TMEM217B: variants seen among roughly 807,000 people sequenced by gnomAD.
The protein encoded by TMEM217B is putative transmembrane protein 217B.
At chr6:37,219,540 A>C in the TMEM217B span, among the ~76,000 whole-genome samples, 1 of 152,172 alleles carries the variant, frequency 6.6e-6, no homozygotes, top group Non-Finnish European at 1.5e-5. Flanking sequence ...CAGCAGTTCA[A>C]GACCAGCCTG....
the TMEM217B span, among the ~76,000 whole-genome samples, chr6:37,229,788 T>C: frequency 6.6e-6 from 1 of 152,218 alleles, no homozygotes. Flanking sequence ...TTTCTATTGC[T>C]GCCATAACAA....
chr6:37,249,821 C>G, the TMEM217B span, among the ~76,000 whole-genome samples: 1 of 152,166 alleles, frequency 6.6e-6, no homozygotes, highest in Non-Finnish European at 1.5e-5. Flanking sequence ...GTAGTATGAC[C>G]ACTTTGAAAA....
the TMEM217B span, among the ~76,000 whole-genome samples, chr6:37,241,480 C>T: frequency 0.068 from 10,312 of 152,142 alleles, 1,140 homozygotes; most frequent in African/African-American, 0.23. Flanking sequence ...CTCCTCCAAC[C>T]TCAGTAAGGA....
At chr6:37,218,978 G>T in the TMEM217B span, 1 of 1,614,194 alleles carries the variant, frequency 6.2e-7, no homozygotes, top group Non-Finnish European at 8.5e-7. Context: ...GAAGACCCCT[G>T]ACAACACGGT....
chr6:37,212,619 C>T, the TMEM217B span: 11 of 503,144 alleles, frequency 2.2e-5, no homozygotes, highest in South Asian at 4.6e-5. Flanking sequence ...AATAACTCAG[C>T]GTCTTGAAGT....
At chr6:37,245,141 A>G in the TMEM217B span, among the ~76,000 whole-genome samples, 1 of 152,368 alleles carries the variant, frequency 6.6e-6, no homozygotes. Context: ...AAGTCCAACA[A>G]GATGAGATCC....
chr6:37,245,730 C>T, the TMEM217B span, among the ~76,000 whole-genome samples: 1 of 151,112 alleles, frequency 6.6e-6, no homozygotes, highest in South Asian at 2.1e-4. Flanking sequence ...AGGAGGAGGA[C>T]GAGGAGGAGG....
the TMEM217B span, among the ~76,000 whole-genome samples, chr6:37,220,532 A>G: frequency 2.7e-5 from 4 of 149,984 alleles, no homozygotes; most frequent in East Asian, 7.8e-4. Flanking sequence ...GAGACATTGT[A>G]ATCATAGCTG....
chr6:37,217,660 A>G, the TMEM217B span: 2 of 985,212 alleles, frequency 2.0e-6, no homozygotes, highest in African/African-American at 1.7e-5. Flanking sequence ...CTCTATTTTT[A>G]TTCTTTTTCT....
the TMEM217B span, among the ~76,000 whole-genome samples, chr6:37,229,335 G>GCTT: frequency 1.3e-5 from 1 of 74,368 alleles, no homozygotes; most frequent in African/African-American, 5.3e-5. Context: ...GCAACTTTCA[G>GCTT]TTTTTTTTTT....
At chr6:37,247,587 C>T in the TMEM217B span, among the ~76,000 whole-genome samples, 1 of 152,008 alleles carries the variant, frequency 6.6e-6, no homozygotes, top group Non-Finnish European at 1.5e-5. Context: ...GGGGTTTCAC[C>T]ATGTTGGCCA....
chr6:37,212,497 C>T, the TMEM217B span: 3 of 456,464 alleles, frequency 6.6e-6, no homozygotes, highest in African/African-American at 2.0e-5. Flanking sequence ...CCTGTGGCGG[C>T]GTTTCCTGCC....
the TMEM217B span, among the ~76,000 whole-genome samples, chr6:37,242,084 A>C: frequency 1.2e-4 from 18 of 151,128 alleles, no homozygotes; most frequent in South Asian, 3.3e-3. Context: ...AGTTCACCCA[A>C]TCTTGGAATC....
At chr6:37,217,521 A>T in the TMEM217B span, 1 of 536,960 alleles carries the variant, frequency 1.9e-6, no homozygotes, top group Non-Finnish European at 2.4e-6. Flanking sequence ...CACACTACAG[A>T]GTACAGCACA....
the TMEM217B span, among the ~76,000 whole-genome samples, chr6:37,235,682 G>T: frequency 2.8e-4 from 43 of 152,118 alleles, no homozygotes; most frequent in Admixed American, 5.2e-4. Flanking sequence ...ATTTCTTATG[G>T]TTCTGGAGGC....
At chr6:37,214,552 C>T in the TMEM217B span, among the ~76,000 whole-genome samples, 1 of 152,016 alleles carries the variant, frequency 6.6e-6, no homozygotes, top group Non-Finnish European at 1.5e-5. Flanking sequence ...TCATCATCCC[C>T]ACCAAAATCT....
At chr6:37,235,392 G>C in the TMEM217B span, among the ~76,000 whole-genome samples, 155 of 152,070 alleles carry the variant, frequency 1.0e-3, no homozygotes, top group African/African-American at 3.6e-3. Context: ...TTGAGACAGA[G>C]TCTTGCTCTG....
At chr6:37,252,521 T>C in the TMEM217B span, among the ~76,000 whole-genome samples, 1 of 150,926 alleles carries the variant, frequency 6.6e-6, no homozygotes, top group African/African-American at 2.4e-5. Flanking sequence ...CACACACACA[T>C]GCATATATAT....
the TMEM217B span, chr6:37,257,730 C>T: frequency 1.6e-4 from 99 of 606,804 alleles, no homozygotes; most frequent in Non-Finnish European, 2.4e-4. Context: ...CCACGGCTTG[C>T]GCAGCTCACC....
Sources: gnomAD v4.1 joint callset for allele counts (sites outside exome capture counted in the v4.1 genomes callset) on GRCh38, gnomAD v4.1.1 for gene constraint, MANE v1.5 for transcripts, NCBI Gene and HGNC (gene_info 2026-07-23, HGNC 2026-07-21) for gene names.